Variants in ROS1 observed in about 807,000 individuals in gnomAD.
ROS1 encodes the protein ROS proto-oncogene 1, receptor tyrosine kinase, also known as proto-oncogene tyrosine-protein kinase ROS.
A neutral mutation model predicts 273.5 loss-of-function variants in ROS1; 263 were observed. That is an observed-to-expected ratio of 0.96 (90% confidence interval 0.87 to 1.06). ROS1 has a LOEUF of 1.06. Ranked by LOEUF, ROS1 falls within the 50% of genes least tolerant of loss-of-function variation. The pLI is 0.00. For missense variants in ROS1, 2,833 were observed against 2,751.1 expected, an observed-to-expected ratio of 1.03 and a Z score of -0.67; for synonymous variants, 1,008 against 954.1, an observed-to-expected ratio of 1.06 and a Z score of -1.04.
At chr6:117,372,776 A>G (rs1457297626) in intron 18 of ROS1, among the ~76,000 whole-genome samples, 1 of 152,218 alleles carries the variant, frequency 6.6e-6, no homozygotes, top group Non-Finnish European at 1.5e-5. Flanking sequence ...GGAGCCAAAA[A>G]GTAAGCAGCA....
intron 2 of ROS1, 60 bp from the exon 3 acceptor site, chr6:117,416,377 A>G: frequency 9.2e-7 from 1 of 1,089,622 alleles, no homozygotes; most frequent in South Asian, 1.3e-5. Flanking sequence ...TTTTCTTGTC[A>G]CCTGAAAGTA....
Position 117,365,717 on chromosome 6 carries a change from AC to A in ROS1, c.2821del (p.Val941LeufsTer30), listed in dbSNP as rs753205561. On this transcript the variant is annotated frameshift_variant, in exon 20 of 44. Coordinates refer to ENST00000368507, the MANE Select transcript of ROS1 (RefSeq NM_001378902.1). LOFTEE classifies it high-confidence loss of function. ...LPGNFSFTPK[V>X]IPDSVQESSF... ...AGACTCTTGAACAGAATCTGGAATA[AC>A]CTTAGGGGTAAAGGAAAAGTTCCCT... 3 of 1,586,326 alleles carry A rather than the reference AC, an allele frequency of 1.9e-6. No individual in the cohort carries two copies. Among genetic ancestry groups the A allele is most frequent in the Admixed American group, 3.8e-5 (2 of 52,944 alleles).
intron 34 of ROS1, among the ~76,000 whole-genome samples, 200 bp from the exon 35 acceptor site, chr6:117,324,615 CTT>C: frequency 6.6e-6 from 1 of 151,300 alleles, no homozygotes; most frequent in East Asian, 2.0e-4. Flanking sequence ...GGTGTTTTTG[CTT>C]TTTTTTGCAG....
At chr6:117,291,267 A>G (rs1359678538) in intron 43 of ROS1, among the ~76,000 whole-genome samples, 2 of 152,150 alleles carry the variant, frequency 1.3e-5, no homozygotes, top group Non-Finnish European at 2.9e-5. Flanking sequence ...TTATAGTTTG[A>G]TGATATTCCC....
chr6:117,341,579 T>G lies in ROS1; in HGVS notation c.4705A>C (p.Ile1569Leu). Reference protein sequence around the residue: ...NTTVRSDTSLIISWRESHKPN... With the variant: ...NTTVRSDTSLLISWRESHKPN... Reference sequence around the variant, plus strand: ...TTGTGAGATTCTCTCCAAGATATAATGAGGCTGGTGTCTGACCGCACAGTT... The same window carrying G: ...TTGTGAGATTCTCTCCAAGATATAAGGAGGCTGGTGTCTGACCGCACAGTT... The change falls in exon 30 of 44, where the codon ATT (isoleucine) becomes CTT (leucine). Residue 1569 changes from isoleucine to leucine, a missense_variant. Coordinates refer to ENST00000368507, the MANE Select transcript of ROS1 (RefSeq NM_001378902.1). 1.9e-6 allele frequency: 3 copies of G among 1,613,804 alleles called. No individual in the cohort carries two copies. In the African/African-American group the frequency reaches 4.0e-5, roughly 22 times the overall value.
At chr6:117,336,211 G>T (rs555702530) in intron 32 of ROS1, among the ~76,000 whole-genome samples, 1 of 151,900 alleles carries the variant, frequency 6.6e-6, no homozygotes, top group African/African-American at 2.4e-5. Flanking sequence ...GGACGTGAAG[G>T]TTTGTTACAT....
Position 117,425,766 on chromosome 6 carries a change from C to A in ROS1, c.-110G>T. Reference sequence around the variant, plus strand: ...TTGGAGGAGTAGCTGATGGATTTTGCTTTGTTTGTTTTGCTATATTAGGAT... The same window carrying A: ...TTGGAGGAGTAGCTGATGGATTTTGATTTGTTTGTTTTGCTATATTAGGAT... On this transcript the variant is annotated 5_prime_UTR_variant, in exon 1 of 44. Coordinates refer to ENST00000368507, the MANE Select transcript of ROS1 (RefSeq NM_001378902.1). 7.9e-7 allele frequency: 1 copy of A among 1,265,626 alleles called. No homozygotes were observed. The highest frequency in any genetic ancestry group is 2.4e-5 in the East Asian group (1 of 41,918). 78.4% of individuals were successfully genotyped at this position (1,265,626 alleles called of 1,614,324 possible).
rs748632361 is a variant in ROS1, at chr6:117,301,009, G to T, written c.6680C>A (p.Ala2227Glu). 11 of 1,589,644 alleles carry T rather than the reference G, an allele frequency of 6.9e-6. No homozygotes were observed. The South Asian group carries it at 1.2e-4, about 17-fold the overall frequency. Residue 2227 changes from alanine to glutamate, a missense_variant, in exon 43 of 44, where the codon GCA becomes GAA. By Grantham distance (107) the Ala-to-Glu change is moderately radical (BLOSUM62 -1). Coordinates refer to ENST00000368507, the MANE Select transcript of ROS1 (RefSeq NM_001378902.1). ...LNSIYKSRDE[A>E]NNSGVINESF... The stretch of plus-strand genomic sequence containing the variant: ...TTCATTTATGACTCCACTGTTGTTT[G>T]CTTCATCTCTGGACTTATAAATGCT...
chr6:117,383,358 A>T lies in ROS1; in HGVS notation c.2440T>A (p.Ser814Thr), dbSNP rs1371334533. Residue 814 changes from serine to threonine, a missense_variant, in exon 17 of 44, where the codon TCC (serine) becomes ACC (threonine). Ser to Thr is a moderately conservative substitution (Grantham distance 58, BLOSUM62 1). Transcript: ENST00000368507. Reference protein sequence around the residue: ...VESTRLNGESSLVLQTQPWFS... With the variant: ...VESTRLNGESTLVLQTQPWFS... ...CAAGGCTGTGTCTGTAGTACAAGGG[A>T]ACTTTCCCCATTTAGTCTGGTGCTT... 1.2e-6 allele frequency: 2 copies of T among 1,614,072 alleles called. No homozygotes were observed. Among genetic ancestry groups the T allele is most frequent in the African/African-American group, 2.7e-5 (2 of 75,046 alleles).
intron 33 of ROS1, among the ~76,000 whole-genome samples, 178 bp downstream of exon 33, chr6:117,329,151 A>G (rs763049900): frequency 2.8e-4 from 43 of 152,276 alleles, no homozygotes; most frequent in Non-Finnish European, 4.4e-4. Context: ...TATAATTAGC[A>G]TGCCAAGACC....
chr6:117,376,504 A>C (rs1376928475), intron 18 of ROS1, among the ~76,000 whole-genome samples: 1 of 152,134 alleles, frequency 6.6e-6, no homozygotes, highest in East Asian at 1.9e-4. Context: ...TTTTGAGACT[A>C]CTATAACTCT....
At position 117,288,398 on chromosome 6, in the gene ROS1, A is replaced by G. The variant is rs992427719; in HGVS notation, c.*94T>C. On this transcript the variant is annotated 3_prime_UTR_variant, in exon 44 of 44. Transcript: ENST00000368507. ...TTGCATTGTTTATTTGGAGTTATAG[A>G]CCACCATGACATTTATCATTCTAGC... 7 of 1,109,210 alleles carry G rather than the reference A, an allele frequency of 6.3e-6. No homozygotes were observed. Among genetic ancestry groups the G allele is most frequent in the South Asian group, 6.2e-5 (4 of 64,984 alleles). The allele number at this position is 1,109,210 out of a possible 1,614,324, so 68.7% of individuals were successfully genotyped here.
chr6:117,404,873 A>G (rs889454048), intron 5 of ROS1, among the ~76,000 whole-genome samples: 7 of 152,342 alleles, frequency 4.6e-5, no homozygotes, highest in African/African-American at 1.7e-4. Context: ...CATCTTAACA[A>G]GAAATTATTT....
rs768985780 is a variant in ROS1 at position 117,324,345 on chromosome 6, G to T, written c.5610C>A (p.Ile1870=). The T allele has an allele frequency of 6.6e-7, 1 of 1,514,636 alleles. No homozygotes were observed. The highest frequency in any genetic ancestry group is 9.1e-7 in the Non-Finnish European group (1 of 1,098,714). 93.8% of individuals were successfully genotyped at this position (1,514,636 alleles called of 1,614,324 possible). A position where few individuals can be genotyped will look rare whatever the true frequency, so the allele number is the denominator to read the frequency against. Residue 1870 remains isoleucine, a synonymous_variant, in exon 35 of 44, where the codon ATC becomes ATA. Transcript: ENST00000368507. ...TATTATACTTACCAAAGGTCAGTGG[G>T]ATTGTAACAACCAGAAATATTCCAA... The part of the protein sequence containing the change: ...IIVGIFLVVT[I]PLTFVWHRRL...
intron 13 of ROS1, 72 bp downstream of exon 13, chr6:117,389,277 AC>A (rs1233389735): frequency 6.7e-7 from 1 of 1,496,536 alleles, no homozygotes; most frequent in Non-Finnish European, 8.9e-7. Flanking sequence ...AAATTGAATC[AC>A]AACGCCAAGC....
chr6:117,372,540 T>C (rs1780895169), intron 18 of ROS1, among the ~76,000 whole-genome samples: 1 of 152,160 alleles, frequency 6.6e-6, no homozygotes, highest in African/African-American at 2.4e-5. Context: ...TGTCCAGAGT[T>C]TGTTCCTTCT....
In ROS1 at chr6:117,353,098, T is replaced by C. The variant is rs150274045; in HGVS notation, c.4195A>G (p.Thr1399Ala). The change falls in exon 27 of 44, where the codon ACA (threonine) becomes GCA (alanine). Residue 1399 changes from threonine to alanine, a missense_variant. By Grantham distance (58) the Thr-to-Ala change is moderately conservative. Transcript: ENST00000368507. ...IYWIITAKDS[T>A]QIYQAKKGNG... is the part of the protein sequence containing the mutation. ...CCTTTCTTTGCCTGATAAATCTGTG[T>C]GCTGTCCTTTGCTGTGATGATCCAG... 26 of 1,614,148 alleles carry C rather than the reference T, an allele frequency of 1.6e-5. No individual in the cohort carries two copies. In the African/African-American group the frequency reaches 2.7e-4, roughly 17 times the overall value.
chr6:117,414,295 A>G (rs561989429), intron 4 of ROS1, among the ~76,000 whole-genome samples: 21 of 152,164 alleles, frequency 1.4e-4, no homozygotes, highest in Non-Finnish European at 2.8e-4. Flanking sequence ...GCACATAGGA[A>G]CATATATATT....
intron 27 of ROS1, among the ~76,000 whole-genome samples, chr6:117,346,565 G>A (rs2128629489): frequency 6.6e-6 from 1 of 151,910 alleles, no homozygotes; most frequent in Non-Finnish European, 1.5e-5. Context: ...ATACTGCATG[G>A]ACGTCTTTTT....
Sources: allele counts gnomAD v4.1 joint callset (sites outside exome capture counted in the v4.1 genomes callset), GRCh38; gene constraint gnomAD v4.1.1; transcripts MANE v1.5; gene names NCBI Gene and HGNC (gene_info 2026-07-23, HGNC 2026-07-21).